The following SORCS1 variants were observed in gnomAD, a reference collection of about 807,000 sequenced individuals.
SORCS1 encodes VPS10 domain-containing receptor SorCS1.
SORCS1 carries 60 observed loss-of-function variants against 146.1 expected under a neutral mutation model. The ratio of observed to expected loss-of-function variants is 0.41; its 90% CI spans 0.33 to 0.51. SORCS1 has a LOEUF of 0.51. Ranked by LOEUF, SORCS1 falls within the 20% of genes least tolerant of loss-of-function variation. SORCS1 has a pLI of 0.21. For missense variants in SORCS1, 1,352 were observed against 1,487.6 expected (o/e 0.91, Z 1.50); for synonymous variants, 637 against 584.0 (o/e 1.09, Z -1.31).
At chr10:106,972,812 G>C (rs1213965110) in intron 1 of SORCS1, among the ~76,000 whole-genome samples, 1 of 152,134 alleles carries the variant, frequency 6.6e-6, no homozygotes, top group Non-Finnish European at 1.5e-5. Flanking sequence ...CAACCAGCTA[G>C]GTGCTTCACA....
chr10:106,873,209 A>G (rs1312047617), intron 2 of SORCS1, among the ~76,000 whole-genome samples: 1 of 151,910 alleles, frequency 6.6e-6, no homozygotes, highest in Non-Finnish European at 1.5e-5. Context: ...GTACTCAGGA[A>G]GGCTGAGGCA....
intron 3 of SORCS1, among the ~76,000 whole-genome samples, chr10:106,798,763 T>A (rs1375890154): frequency 6.6e-6 from 1 of 152,234 alleles, no homozygotes; most frequent in Non-Finnish European, 1.5e-5. Flanking sequence ...TGCATGTGTC[T>A]TTACAGCAGC....
intron 5 of SORCS1, among the ~76,000 whole-genome samples, chr10:106,739,416 C>T (rs1232817202): frequency 6.6e-6 from 1 of 150,720 alleles, no homozygotes; most frequent in Non-Finnish European, 1.5e-5. Flanking sequence ...ACCCAGGAGG[C>T]AGAGGCCGCA....
At chr10:107,161,406 C>T (rs1296632893) in intron 1 of SORCS1, among the ~76,000 whole-genome samples, 2 of 152,180 alleles carry the variant, frequency 1.3e-5, no homozygotes, top group Non-Finnish European at 1.5e-5. Context: ...TGCCCCTCCA[C>T]CACTCCAATC....
At chr10:107,113,171 T>C (rs1965805591) in intron 1 of SORCS1, among the ~76,000 whole-genome samples, 3 of 152,078 alleles carry the variant, frequency 2.0e-5, no homozygotes, top group South Asian at 4.1e-4. Flanking sequence ...CTGACCACAA[T>C]GGTATAAAAC....
At chr10:107,120,789 C>A (rs1440821001) in intron 1 of SORCS1, among the ~76,000 whole-genome samples, 1 of 152,186 alleles carries the variant, frequency 6.6e-6, no homozygotes. Flanking sequence ...CACATTCAAG[C>A]AAACCCATTT....
chr10:106,630,882 G>C (rs1231896883), intron 18 of SORCS1, among the ~76,000 whole-genome samples: 1 of 150,500 alleles, frequency 6.6e-6, no homozygotes, highest in African/African-American at 2.4e-5. Context: ...TGGAACAACA[G>C]TTTAGATTCT....
At chr10:106,833,683 TGCTGATC>T (rs1948663070) in intron 2 of SORCS1, among the ~76,000 whole-genome samples, 1 of 152,214 alleles carries the variant, frequency 6.6e-6, no homozygotes, top group African/African-American at 2.4e-5. Context: ...AACACACCTG[TGCTGATC>T]TGTCGATGCC....
At chr10:106,999,472 G>T (rs977010666) in intron 1 of SORCS1, among the ~76,000 whole-genome samples, 1 of 152,206 alleles carries the variant, frequency 6.6e-6, no homozygotes, top group Non-Finnish European at 1.5e-5. Context: ...ACCATTTATA[G>T]CACCATTTGT....
chr10:106,765,563 C>T (rs1376703144), intron 4 of SORCS1, among the ~76,000 whole-genome samples: 1 of 151,974 alleles, frequency 6.6e-6, no homozygotes, highest in Non-Finnish European at 1.5e-5. Context: ...TTGGAGCTGC[C>T]AGTTGGGTGG....
At chr10:106,879,551 G>GTT (rs1378092027) in intron 2 of SORCS1, among the ~76,000 whole-genome samples, 1 of 152,160 alleles carries the variant, frequency 6.6e-6, no homozygotes, top group East Asian at 1.9e-4. Context: ...TGTAAGTGTG[G>GTT]TTACTGATCA....
chr10:107,054,243 A>G (rs1439005975), intron 1 of SORCS1, among the ~76,000 whole-genome samples: 1 of 152,234 alleles, frequency 6.6e-6, no homozygotes, highest in African/African-American at 2.4e-5. Context: ...TGTGAACAAC[A>G]ATGCAAATAT....
At chr10:107,042,907 T>C (rs975395249) in intron 1 of SORCS1, among the ~76,000 whole-genome samples, 2 of 152,048 alleles carry the variant, frequency 1.3e-5, no homozygotes, top group Admixed American at 6.6e-5. Context: ...TTGCCGGAAG[T>C]GAACTATTAA....
chr10:106,857,980 T>C (rs1949858189), intron 2 of SORCS1, among the ~76,000 whole-genome samples: 1 of 152,232 alleles, frequency 6.6e-6, no homozygotes, highest in African/African-American at 2.4e-5. Context: ...AATTCAAATG[T>C]GCTGCCGAGA....
At position 106,685,391 on chromosome 10, in the gene SORCS1, G is replaced by A. The variant is rs149396679; in HGVS notation, c.1560+2801C>T. Among the ~76,000 whole-genome samples the A allele has an allele frequency of 1.7e-3, 261 of 152,250 alleles. 1 individual carries two copies. The highest frequency in any genetic ancestry group is 6.1e-3 in the African/African-American group (252 of 41,540). On this transcript the variant is annotated intron_variant, in intron 10 of 25. Coordinates refer to ENST00000263054, the MANE Select transcript of SORCS1 (RefSeq NM_052918.5). ...CTAGGTTCATGAAGCCCACACTTCA[G>A]CAGGCAAGATGGACAAGAAAATTAA...
intron 3 of SORCS1, among the ~76,000 whole-genome samples, chr10:106,791,132 A>G (rs756451199): frequency 2.0e-5 from 3 of 152,220 alleles, no homozygotes; most frequent in Admixed American, 6.5e-5. Context: ...ATACAGCAAG[A>G]GGGTGTCGTG....
chr10:106,932,811 G>A (rs1488062305), intron 2 of SORCS1, among the ~76,000 whole-genome samples: 1 of 152,114 alleles, frequency 6.6e-6, no homozygotes, highest in Admixed American at 6.5e-5. Flanking sequence ...ATGCTTAACT[G>A]GGGATTAGAC....
At chr10:106,770,610 T>C (rs1859949279) in intron 4 of SORCS1, among the ~76,000 whole-genome samples, 1 of 152,224 alleles carries the variant, frequency 6.6e-6, no homozygotes, top group African/African-American at 2.4e-5. Context: ...ATTTGTCCTA[T>C]GCAGTGCTTC....
intron 23 of SORCS1, among the ~76,000 whole-genome samples, chr10:106,598,390 T>C (rs1846039363): frequency 6.6e-6 from 1 of 151,806 alleles, no homozygotes; most frequent in Non-Finnish European, 1.5e-5. Context: ...GCCTCCTGAG[T>C]AGTTGGGACT....
Sources: allele counts gnomAD v4.1 joint callset (sites outside exome capture counted in the v4.1 genomes callset), GRCh38; gene constraint gnomAD v4.1.1; transcripts MANE v1.5; gene names NCBI Gene and HGNC (gene_info 2026-07-23, HGNC 2026-07-21).